TENM2: variants seen among roughly 807,000 people sequenced by gnomAD.
TENM2 encodes the protein teneurin-2.
A neutral mutation model predicts 245.2 loss-of-function variants in TENM2; 52 were observed. The observed-to-expected ratio is 0.21, with a 90% CI of 0.17 to 0.27. The LOEUF (loss-of-function observed/expected upper bound fraction) is 0.27, where lower values mean the gene tolerates loss of function less well. Ranked by LOEUF, TENM2 falls within the 10% of genes least tolerant of loss-of-function variation. The probability of loss-of-function intolerance (pLI) is 1.00; values close to 1 mark genes in which losing one functional copy is unlikely to be tolerated. For synonymous variants in TENM2, 1,363 were observed against 1,438.9 expected (o/e 0.95, Z 1.19); for missense variants, 3,046 against 3,666.8 (o/e 0.83, Z 4.37).
intron 2 of TENM2, among the ~76,000 whole-genome samples, chr5:167,394,103 C>T (rs746458585): frequency 2.0e-5 from 3 of 152,094 alleles, no homozygotes; most frequent in Non-Finnish European, 2.9e-5. Context: ...TGCTAGTATT[C>T]TTTGCTGTGC....
exon 10 of TENM2, chr5:168,118,340 C>G (rs780448268): frequency 6.2e-7 from 1 of 1,609,776 alleles, no homozygotes; most frequent in Non-Finnish European, 8.5e-7. Context: ...TCTAAAGGGA[C>G]GTGCCAGTGC....
At chr5:168,029,230 T>C (rs1288985255) in intron 5 of TENM2, among the ~76,000 whole-genome samples, 3 of 152,172 alleles carry the variant, frequency 2.0e-5, no homozygotes, top group Non-Finnish European at 2.9e-5. Flanking sequence ...TACTGCCTAA[T>C]ACCATCACCT....
At chr5:167,490,608 G>T (rs1768369944) in intron 2 of TENM2, among the ~76,000 whole-genome samples, 1 of 152,012 alleles carries the variant, frequency 6.6e-6, no homozygotes, top group Non-Finnish European at 1.5e-5. Flanking sequence ...ATACCCACAT[G>T]TCTTAAAATA....
chr5:168,070,811 GAGAGAGAGAA>G (rs1452233255), intron 7 of TENM2, among the ~76,000 whole-genome samples: 6 of 133,416 alleles, frequency 4.5e-5, no homozygotes, highest in Non-Finnish European at 6.7e-5. Flanking sequence ...GAGAGAGAGA[GAGAGAGAGAA>G]AAAAAGAAAG....
the TENM2 span, among the ~76,000 whole-genome samples, chr5:167,103,895 C>T: frequency 2.3e-4 from 35 of 152,100 alleles, 1 homozygote; most frequent in Admixed American, 5.2e-4. Flanking sequence ...CACACACACA[C>T]GCATGCGCAC....
the TENM2 span, among the ~76,000 whole-genome samples, chr5:167,034,154 G>A: frequency 1.3e-5 from 2 of 152,072 alleles, no homozygotes; most frequent in South Asian, 4.1e-4. Context: ...ACTAAGACTA[G>A]CCCTTTGGTA....
intron 12 of TENM2, among the ~76,000 whole-genome samples, chr5:168,131,628 A>G (rs921176139): frequency 2.6e-5 from 4 of 152,228 alleles, no homozygotes; most frequent in Admixed American, 2.0e-4. Context: ...CTTCAGAACA[A>G]TAGGGAACAG....
intron 2 of TENM2, among the ~76,000 whole-genome samples, chr5:167,461,038 T>C (rs1766261462): frequency 2.0e-5 from 3 of 152,284 alleles, no homozygotes; most frequent in Middle Eastern, 3.4e-3. Context: ...CTGAATGTAA[T>C]TTTTAGTAGT....
chr5:167,614,802 G>A (rs537561237), intron 2 of TENM2, among the ~76,000 whole-genome samples: 8 of 152,176 alleles, frequency 5.3e-5, no homozygotes, highest in East Asian at 3.9e-4. Context: ...AGCTTCATGC[G>A]ATCTCTGTCC....
At chr5:167,684,595 A>G (rs1196894382) in intron 2 of TENM2, among the ~76,000 whole-genome samples, 1 of 152,228 alleles carries the variant, frequency 6.6e-6, no homozygotes, top group South Asian at 2.1e-4. Context: ...GGAAACAAAG[A>G]GATAATTTAG....
At chr5:168,032,761 C>T (rs1210347122) in intron 5 of TENM2, among the ~76,000 whole-genome samples, 11 of 152,256 alleles carry the variant, frequency 7.2e-5, no homozygotes, top group Middle Eastern at 3.4e-3. Flanking sequence ...TTTCCTCAGC[C>T]GCTGGTGTTT....
chr5:168,079,104 G>C (rs1047213461), intron 7 of TENM2, among the ~76,000 whole-genome samples: 12 of 151,934 alleles, frequency 7.9e-5, no homozygotes, highest in Non-Finnish European at 1.6e-4. Context: ...CTTTTATTTT[G>C]TTGAGCAGTG....
chr5:167,928,326 G>A (rs1777919551), intron 3 of TENM2, among the ~76,000 whole-genome samples: 3 of 152,076 alleles, frequency 2.0e-5, no homozygotes, highest in South Asian at 2.1e-4. Flanking sequence ...TAGGACATTG[G>A]ATGACAATGA....
chr5:167,922,409 C>T (rs922791789), intron 3 of TENM2, among the ~76,000 whole-genome samples: 1 of 151,892 alleles, frequency 6.6e-6, no homozygotes, highest in African/African-American at 2.4e-5. Flanking sequence ...ATCACCATAT[C>T]TCCCTAGAAC....
intron 1 of TENM2, among the ~76,000 whole-genome samples, chr5:167,346,335 A>G (rs187465265): frequency 3.1e-4 from 47 of 152,336 alleles, no homozygotes; most frequent in African/African-American, 1.1e-3. Flanking sequence ...GATAGCTCCT[A>G]TTCATACACG....
intron 2 of TENM2, among the ~76,000 whole-genome samples, chr5:167,831,866 G>T (rs577233690): frequency 6.6e-6 from 1 of 152,092 alleles, no homozygotes; most frequent in South Asian, 2.1e-4. Context: ...GAAAATGATG[G>T]TCCTGTCCAT....
chr5:167,733,076 CA>C (rs1443750603), intron 2 of TENM2, among the ~76,000 whole-genome samples: 2 of 151,754 alleles, frequency 1.3e-5, no homozygotes, highest in Admixed American at 1.3e-4. Flanking sequence ...TTTTCTCCAA[CA>C]GGAGCATCTC....
At chr5:167,446,042 G>A (rs1386870067) in intron 2 of TENM2, among the ~76,000 whole-genome samples, 2 of 152,128 alleles carry the variant, frequency 1.3e-5, no homozygotes, top group East Asian at 1.9e-4. Flanking sequence ...GATAAGCTGG[G>A]CAATGGGAGG....
chr5:167,374,490 A>G (rs1313696514), intron 1 of TENM2, among the ~76,000 whole-genome samples: 3 of 152,202 alleles, frequency 2.0e-5, no homozygotes, highest in African/African-American at 7.2e-5. Context: ...TATATGAGGC[A>G]CACAATCACC....
Sources: gnomAD v4.1 joint callset for allele counts (sites outside exome capture counted in the v4.1 genomes callset) on GRCh38, gnomAD v4.1.1 for gene constraint, MANE v1.5 for transcripts, NCBI Gene and HGNC (gene_info 2026-07-23, HGNC 2026-07-21) for gene names.